The following ABCF3 variants were observed in gnomAD, a reference collection of about 807,000 sequenced individuals.
ABCF3 encodes ATP-binding cassette sub-family F member 3.
A neutral mutation model predicts 94.3 loss-of-function variants in ABCF3; 62 were observed. That is an observed-to-expected ratio of 0.66 (90% CI 0.54 to 0.81). The LOEUF (loss-of-function observed/expected upper bound fraction) is 0.81, where lower values mean the gene tolerates loss of function less well. ABCF3 is among the 40% of genes least tolerant of loss of function. ABCF3 has a pLI of 0.00. For missense variants in ABCF3, 843 were observed against 925.3 expected (o/e 0.91, Z 1.15); for synonymous variants, 355 against 361.1 (o/e 0.98, Z 0.19).
intron 10 of ABCF3, 42 bp downstream of exon 10, chr3:184,189,186 G>A: frequency 1.2e-6 from 2 of 1,614,186 alleles, no homozygotes; most frequent in Non-Finnish European, 1.7e-6. Context: ...ATGGAAGATT[G>A]GTCTTAGCTC....
chr3:184,191,279 T>C, intron 16 of ABCF3, 24 bp downstream of exon 16: 1 of 1,613,202 alleles, frequency 6.2e-7, no homozygotes, highest in Non-Finnish European at 8.5e-7. Context: ...TTCTCTGTGC[T>C]GCGAGCTGGG....
chr3:184,189,954 G>A (rs1715912028), intron 14 of ABCF3, 23 bp downstream of exon 14: 1 of 1,612,908 alleles, frequency 6.2e-7, no homozygotes, highest in East Asian at 2.2e-5. Flanking sequence ...TCCTTGGCCA[G>A]GGCCTGACTC....
rs1268545836 is a variant in ABCF3 at position 184,186,799 on chromosome 3, T to C, written c.225T>C (p.Ala75=). ...CTTTCTATCCCTACCCACATAGGGC[T>C]GAGCCACAAAGCCAGGGAAATAGCC... ...CQRMYNTLRL[A]EPQSQGNSQV... Residue 75 remains alanine (A), a synonymous_variant, in exon 3 of 21, where the codon GCT becomes GCC. Coordinates refer to ENST00000429586, the MANE Select transcript of ABCF3 (RefSeq NM_018358.3). 3 of 1,613,748 alleles carry C rather than the reference T, an allele frequency of 1.9e-6. No homozygotes were observed. The highest frequency in any genetic ancestry group is 2.5e-6 in the Non-Finnish European group (3 of 1,179,844).
In ABCF3 at chr3:184,189,628, C is replaced by T. The variant is rs748482704; in HGVS notation, c.1185C>T (p.Ile395=). ...NFLNAIATDI[I]HLHSQRLDGY... ...TGAATGCCATCGCCACAGACATCAT[C>T]CACCTGCACAGCCAGCGGCTAGATG... The change falls in exon 13 of 21, where the codon ATC becomes ATT. Residue 395 remains isoleucine (I), a synonymous_variant. Transcript: ENST00000429586. The T allele has an allele frequency of 1.9e-6, 3 of 1,614,244 alleles. No individual in the cohort carries two copies. The Admixed American group carries it at 5.0e-5, about 27-fold the overall frequency.
rs538076453 is a variant in ABCF3 at position 184,186,961 on chromosome 3, A to G, written c.301+86A>G. The G allele has an allele frequency of 7.1e-5, 97 of 1,371,394 alleles. 3 individuals carry two copies. In the South Asian group the frequency reaches 1.0e-3, roughly 14 times the overall value. The allele number at this position is 1,371,394 out of a possible 1,614,324, so 85.0% of individuals were successfully genotyped here. ...CTGCTGCCTGCAGCTTAGGGCTCCT[A>G]CGTCTTTTCCACAGGACAAGGTTGT... On this transcript the variant is annotated intron_variant, in intron 3 of 20. Transcript: ENST00000429586.
Position 184,188,270 on chromosome 3 carries a change from C to T in ABCF3, c.699C>T (p.His233=), listed in dbSNP as rs1477386156. The part of the protein sequence containing the change: ...LATRSLRVPA[H]ISLLHVEQEV... ...CCCGGAGTCTGCGGGTTCCAGCCCA[C>T]ATTTCCCTGCTGCACGTTGAGCAAG... is the stretch of plus-strand genomic sequence containing the variant. The change falls in exon 7 of 21, where the codon CAC becomes CAT. Residue 233 remains histidine, a synonymous_variant. Coordinates refer to ENST00000429586, the MANE Select transcript of ABCF3 (RefSeq NM_018358.3). 2 of 1,614,178 alleles carry T rather than the reference C, an allele frequency of 1.2e-6. No homozygotes were observed. Among genetic ancestry groups the T allele is most frequent in the African/African-American group, 1.3e-5 (1 of 75,042 alleles).
At chr3:184,190,143 T>C in intron 14 of ABCF3, 2 of 598,608 alleles carry the variant, frequency 3.3e-6, no homozygotes, top group South Asian at 4.0e-5. Flanking sequence ...TTTCTGTTTC[T>C]GCTTCTACGT....
intron 3 of ABCF3, 78 bp from the exon 4 acceptor site, chr3:184,187,319 C>T (rs1715698540): frequency 6.5e-7 from 1 of 1,537,826 alleles, no homozygotes; most frequent in South Asian, 1.1e-5. Flanking sequence ...GTGTCTGTGC[C>T]TGGTTCCTAT....
rs763857323 is a variant in ABCF3, at chr3:184,186,842, C to T, written c.268C>T (p.Pro90Ser). The stretch of plus-strand genomic sequence containing the variant: ...AAATAGCCAGGTGCTACTGGACGCC[C>T]CTATCCAGTTGTCAAAGATAACGGA... ...QGNSQVLLDA[P>S]IQLSKITENY... The change falls in exon 3 of 21, where the codon CCT becomes TCT. Residue 90 changes from proline (P) to serine (S), a missense_variant. Coordinates refer to ENST00000429586, the MANE Select transcript of ABCF3 (RefSeq NM_018358.3). The T allele has an allele frequency of 1.9e-6, 3 of 1,613,670 alleles. No individual in the cohort carries two copies. Among genetic ancestry groups the T allele is most frequent in the Admixed American group, 3.3e-5 (2 of 59,950 alleles).
chr3:184,189,484 G>A, intron 12 of ABCF3, 41 bp downstream of exon 12: 1 of 1,613,998 alleles, frequency 6.2e-7, no homozygotes. Context: ...GGGAAAGGCG[G>A]CCTCCAAGAT....
chr3:184,190,399 G>C (rs529248495), intron 14 of ABCF3: 2 of 179,292 alleles, frequency 1.1e-5, no homozygotes, highest in African/African-American at 4.8e-5. Flanking sequence ...GTGAACATTG[G>C]TGTACAAATT....
Position 184,188,822 on chromosome 3 carries a change from G to A in ABCF3, c.898G>A (p.Ala300Thr). ...CTATGCCAAACTGGAGGAGATTGAG[G>A]CTGACAAGGCACCTGCCAGGTATTT... ...EIYAKLEEIE[A>T]DKAPARASVI... is the part of the protein sequence containing the mutation. Residue 300 changes from alanine to threonine, a missense_variant, in exon 8 of 21, where the codon GCT becomes ACT. Coordinates refer to ENST00000429586, the MANE Select transcript of ABCF3 (RefSeq NM_018358.3). The A allele has an allele frequency of 6.2e-7, 1 of 1,613,922 alleles. No individual in the cohort carries two copies. Among genetic ancestry groups the A allele is most frequent in the East Asian group, 2.2e-5 (1 of 44,872 alleles).
intron 7 of ABCF3, 99 bp downstream of exon 7, chr3:184,188,506 TCAG>T: frequency 6.8e-7 from 1 of 1,473,526 alleles, no homozygotes; most frequent in Non-Finnish European, 9.1e-7. Flanking sequence ...ATCCTAGTAA[TCAG>T]CAGAGCTTAG....
rs555021855 is a variant in ABCF3, at chr3:184,187,557, G to A, written c.349-107G>A. ...ACTATGTCTTTTCCTGAGCCTTTGA[G>A]TCTGTTCATCATGGGTAAGTTAAGA... On this transcript the variant is annotated intron_variant, in intron 4 of 20. Transcript: ENST00000429586. 23 of 1,542,960 alleles carry A rather than the reference G, an allele frequency of 1.5e-5. No homozygotes were observed. In the African/African-American group the frequency reaches 3.0e-4, roughly 20 times the overall value.
chr3:184,193,137 C>G lies in ABCF3; in HGVS notation c.1786C>G (p.Arg596Gly). 1 of 1,555,450 alleles carries G rather than the reference C, an allele frequency of 6.4e-7. No individual in the cohort carries two copies. Among genetic ancestry groups the G allele is most frequent in the Non-Finnish European group, 8.7e-7 (1 of 1,152,432 alleles). ...PEEEYRHQLG[R>G]YGISGELAMR... The stretch of plus-strand genomic sequence containing the variant: ...GGAGGAGTACCGTCACCAGCTGGGT[C>G]GGTATGGCATCTCCGGAGAACTGGC... The change falls in exon 19 of 21, where the codon CGG becomes GGG. Residue 596 changes from arginine (R) to glycine (G), a missense_variant. By Grantham distance (125) the Arg-to-Gly change is moderately radical. Transcript: ENST00000429586. This position sits in a 1 kb window ranked among gnomAD's most constrained non-coding sequence, Gnocchi z 5.2.
At position 184,186,535 on chromosome 3, in the gene ABCF3, C is replaced by A. The variant is rs150309219; in HGVS notation, c.102C>A (p.Phe34Leu). 6.2e-7 allele frequency: 1 copy of A among 1,613,270 alleles called. No individual in the cohort carries two copies. Among genetic ancestry groups the A allele is most frequent in the East Asian group, 2.2e-5 (1 of 44,878 alleles). Residue 34 changes from phenylalanine to leucine, a missense_variant, in exon 2 of 21, where the codon TTC becomes TTA. Physicochemically the swap from Phe to Leu is conservative, Grantham distance 22 (BLOSUM62 0). Transcript: ENST00000429586. ...TCTTGCACAGCGGCAGCGCGGACTT[C>A]GAGTCTGTGGATGACCTGGTGGAAG... ...TGVLHSGSADFESVDDLVEAV... is the reference protein window; with the variant it reads ...TGVLHSGSADLESVDDLVEAV...
Position 184,193,808 on chromosome 3 carries a change from CT to C in ABCF3, c.*112del. ...GGACTTCCCCCAACTTGGGGACAGC[CT>C]TATTCCCAAATGTCTCTATCCTTTT... On this transcript the variant is annotated 3_prime_UTR_variant, in exon 21 of 21. Coordinates refer to ENST00000429586, the MANE Select transcript of ABCF3 (RefSeq NM_018358.3). This position sits in a 1 kb window ranked among gnomAD's most constrained non-coding sequence, Gnocchi z 5.2. 1 of 1,281,880 alleles carries C rather than the reference CT, an allele frequency of 7.8e-7. No individual in the cohort carries two copies. The highest frequency in any genetic ancestry group is 1.1e-6 in the Non-Finnish European group (1 of 945,504). The allele number at this position is 1,281,880 out of a possible 1,614,324, so 79.4% of individuals were successfully genotyped here.
chr3:184,188,851 G>T lies in ABCF3; in HGVS notation c.917+10G>T, dbSNP rs774160892. On this transcript the variant is annotated intron_variant, in intron 8 of 20. Transcript: ENST00000429586. ...ACAAGGCACCTGCCAGGTATTTAAAGCTCCCCCTCCCTCCTTCAGATTTCC... is the reference window on the plus strand; with the variant it reads ...ACAAGGCACCTGCCAGGTATTTAAATCTCCCCCTCCCTCCTTCAGATTTCC... 1 of 1,614,012 alleles carries T rather than the reference G, an allele frequency of 6.2e-7. No homozygotes were observed. The highest frequency in any genetic ancestry group is 8.5e-7 in the Non-Finnish European group (1 of 1,179,952).
chr3:184,189,894 T>A lies in ABCF3; in HGVS notation c.1354T>A (p.Ser452Thr). The A allele has an allele frequency of 1.2e-6, 2 of 1,614,210 alleles. No homozygotes were observed. The highest frequency in any genetic ancestry group is 1.7e-6 in the Non-Finnish European group (2 of 1,180,038). The change falls in exon 14 of 21, where the codon TCT (serine) becomes ACT (threonine). Residue 452 changes from serine (S) to threonine (T), a missense_variant. Physicochemically the swap from Ser to Thr is moderately conservative, Grantham distance 58. Transcript: ENST00000429586. ...DRFRYNANRA[S>T]QVQSKLKMLE... ...GTTTCGCTACAATGCCAACAGGGCC[T>A]CTCAAGTGCAGAGTAAACTCAAGAT...
Sources: gnomAD v4.1 joint callset for allele counts on GRCh38, gnomAD v4.1.1 for gene constraint, Gnocchi (gnomAD v3.1) non-coding constraint, MANE v1.5 for transcripts, NCBI Gene and HGNC (gene_info 2026-07-23, HGNC 2026-07-21) for gene names.